The following SGCZ variants were observed in gnomAD, a reference collection of about 807,000 sequenced individuals.
The protein encoded by SGCZ is sarcoglycan zeta, also known as zeta-sarcoglycan.
SGCZ carries 40 observed loss-of-function variants against 41.3 expected under a neutral mutation model. The observed-to-expected ratio is 0.97, with a 90% confidence interval of 0.75 to 1.26. The LOEUF is 1.26. SGCZ is among the 50% of genes most tolerant of loss of function. The pLI is 0.00. For synonymous variants in SGCZ, 206 were observed against 137.5 expected, an observed-to-expected ratio of 1.50 and a Z score of -3.49; for missense variants, 552 against 369.8, an observed-to-expected ratio of 1.49 and a Z score of -4.04.
At chr8:14,656,518 TTTC>T (rs1011298068) in intron 1 of SGCZ, among the ~76,000 whole-genome samples, 2 of 149,692 alleles carry the variant, frequency 1.3e-5, no homozygotes, top group African/African-American at 4.9e-5. Context: ...CTTCCTTCCT[TTTC>T]TTTTCTTTCT....
chr8:14,658,922 G>T (rs1052172593), intron 1 of SGCZ, among the ~76,000 whole-genome samples: 2 of 151,806 alleles, frequency 1.3e-5, no homozygotes, highest in Non-Finnish European at 2.9e-5. Flanking sequence ...GGAGGGAAGG[G>T]AGACAGGAAG....
chr8:14,608,339 A>C (rs1805818596), intron 1 of SGCZ, among the ~76,000 whole-genome samples: 1 of 152,172 alleles, frequency 6.6e-6, no homozygotes, highest in South Asian at 2.1e-4. Context: ...TTATAAAGAA[A>C]AGAGGTTTCT....
At chr8:14,139,094 G>A (rs762990088) in intron 5 of SGCZ, among the ~76,000 whole-genome samples, 1 of 152,050 alleles carries the variant, frequency 6.6e-6, no homozygotes, top group Non-Finnish European at 1.5e-5. Context: ...AATGACTACT[G>A]GGTAAATCAT....
intron 1 of SGCZ, among the ~76,000 whole-genome samples, chr8:14,571,658 A>G (rs1374728644): frequency 6.6e-6 from 1 of 152,178 alleles, no homozygotes; most frequent in Non-Finnish European, 1.5e-5. Context: ...AAGCTATAAT[A>G]TTTAATTCTG....
At position 14,418,604 on chromosome 8, in the gene SGCZ, G is replaced by C. The variant is rs2117298573; in HGVS notation, c.235-94400C>G. Reference sequence around the variant, plus strand: ...TCTCAGTTTGGTGTCAGTTTTCAAAGTCTGCTAACTATCAATTAATTATCA... The same window carrying C: ...TCTCAGTTTGGTGTCAGTTTTCAAACTCTGCTAACTATCAATTAATTATCA... On this transcript the variant is annotated intron_variant, in intron 2 of 7. Coordinates refer to ENST00000382080, the MANE Select transcript of SGCZ (RefSeq NM_139167.4). 2.0e-5 allele frequency among the ~76,000 whole-genome samples: 3 copies of C among 151,710 alleles called. No individual in the cohort carries two copies. The Middle Eastern group carries it at 0.01, about 516-fold the overall frequency.
chr8:15,052,524 G>T (rs574846658), intron 1 of SGCZ, among the ~76,000 whole-genome samples: 31 of 152,232 alleles, frequency 2.0e-4, no homozygotes, highest in African/African-American at 7.0e-4. Context: ...GCATTGCACT[G>T]TGGGCTTCGT....
intron 2 of SGCZ, among the ~76,000 whole-genome samples, chr8:14,468,524 T>C (rs1801115706): frequency 1.3e-5 from 2 of 152,096 alleles, no homozygotes; most frequent in Non-Finnish European, 2.9e-5. Context: ...GTTTATTAGA[T>C]CTTGAGAGCA....
chr8:14,439,147 T>G, intron 2 of SGCZ, among the ~76,000 whole-genome samples: 1 of 152,038 alleles, frequency 6.6e-6, no homozygotes, highest in East Asian at 1.9e-4. Context: ...CCGTGATACA[T>G]TTGTTAAAGG....
At chr8:14,832,419 A>G (rs1802563150) in intron 1 of SGCZ, among the ~76,000 whole-genome samples, 2 of 152,198 alleles carry the variant, frequency 1.3e-5, no homozygotes, top group African/African-American at 4.8e-5. Context: ...AAGACCAGGC[A>G]AGACCAAGAG....
intron 2 of SGCZ, among the ~76,000 whole-genome samples, chr8:14,335,190 T>C (rs529121585): frequency 5.8e-4 from 88 of 152,246 alleles, no homozygotes; most frequent in African/African-American, 2.1e-3. Flanking sequence ...ATTGAGTTTA[T>C]AAAACTGTAA....
chr8:14,876,003 C>A (rs1184236653), intron 1 of SGCZ, among the ~76,000 whole-genome samples: 1 of 152,100 alleles, frequency 6.6e-6, no homozygotes, highest in Admixed American at 6.6e-5. Flanking sequence ...CATTTGGGAA[C>A]TCTGGTAATT....
chr8:14,598,701 T>C (rs1805493642), intron 1 of SGCZ, among the ~76,000 whole-genome samples: 1 of 152,050 alleles, frequency 6.6e-6, no homozygotes, highest in East Asian at 1.9e-4. Context: ...AATTTTTTTT[T>C]GTAATTTTTG....
chr8:14,778,144 T>G (rs867226764), intron 1 of SGCZ, among the ~76,000 whole-genome samples: 3 of 152,002 alleles, frequency 2.0e-5, no homozygotes, highest in African/African-American at 7.2e-5. Flanking sequence ...TCCCGGCTAG[T>G]CTCAAACTAC....
chr8:14,674,076 T>C (rs1808195941), intron 1 of SGCZ, among the ~76,000 whole-genome samples: 1 of 152,140 alleles, frequency 6.6e-6, no homozygotes, highest in Non-Finnish European at 1.5e-5. Context: ...TTTTTATTTT[T>C]TTAGAAATTA....
chr8:14,356,187 G>A (rs1382028286), intron 2 of SGCZ, among the ~76,000 whole-genome samples: 1 of 152,122 alleles, frequency 6.6e-6, no homozygotes. Flanking sequence ...GTTTAAAGCA[G>A]GCTAAGCTAA....
At chr8:14,907,172 A>G (rs988671870) in intron 1 of SGCZ, among the ~76,000 whole-genome samples, 5 of 152,036 alleles carry the variant, frequency 3.3e-5, no homozygotes, top group African/African-American at 1.2e-4. Context: ...TATTTTTTCA[A>G]TGGGTTTCAT....
At chr8:14,860,400 C>T (rs940769432) in intron 1 of SGCZ, among the ~76,000 whole-genome samples, 10 of 149,222 alleles carry the variant, frequency 6.7e-5, no homozygotes, top group Non-Finnish European at 1.0e-4. Context: ...GTTTTAACTT[C>T]AGAAGACAGG....
rs899891566 is a variant in SGCZ at position 14,311,183 on chromosome 8, C to A, written c.336+12920G>T. Among the ~76,000 whole-genome samples, 4 of 152,092 alleles carry A rather than the reference C, an allele frequency of 2.6e-5. No individual in the cohort carries two copies. In the East Asian group the frequency reaches 7.7e-4, roughly 29 times the overall value. On this transcript the variant is annotated intron_variant, in intron 3 of 7. Transcript: ENST00000382080. ...GAAACATACAAGGTTGATTCATGCA[C>A]AGTAATTTAGTGTAGAGGACCTGAT... is the stretch of plus-strand genomic sequence containing the variant.
intron 1 of SGCZ, among the ~76,000 whole-genome samples, chr8:14,639,136 C>T (rs1364273672): frequency 6.7e-6 from 1 of 150,070 alleles, no homozygotes; most frequent in African/African-American, 2.4e-5. Flanking sequence ...AACCTTGCCT[C>T]CCAGGTTCAA....
Sources: allele counts gnomAD v4.1 joint callset (sites outside exome capture counted in the v4.1 genomes callset), GRCh38; gene constraint gnomAD v4.1.1; transcripts MANE v1.5; gene names NCBI Gene and HGNC (gene_info 2026-07-23, HGNC 2026-07-21).